The following SEC24D variants were observed in gnomAD, a reference collection of about 807,000 sequenced individuals.
SEC24D encodes the protein protein transport protein Sec24D.
SEC24D carries 69 observed loss-of-function variants against 116.9 expected under a neutral mutation model. The observed-to-expected ratio is 0.59, with a 90% confidence interval of 0.49 to 0.72. The LOEUF (loss-of-function observed/expected upper bound fraction) is 0.72, where lower values mean the gene tolerates loss of function less well. Ranked by LOEUF, SEC24D falls within the 30% of genes least tolerant of loss-of-function variation. The pLI, the probability that SEC24D is intolerant of heterozygous loss-of-function variation, is 0.00. For missense variants in SEC24D, 1,131 were observed against 1,264.1 expected, an observed-to-expected ratio of 0.89 and a Z score of 1.60; for synonymous variants, 405 against 442.8, an observed-to-expected ratio of 0.91 and a Z score of 1.07.
rs1489952453 is a variant in SEC24D, at chr4:118,740,797, TG to T, written c.2103del (p.Thr702LeufsTer8). 14 of 1,613,744 alleles carry T rather than the reference TG, an allele frequency of 8.7e-6. No individual in the cohort carries two copies. The highest frequency in any genetic ancestry group is 1.3e-5 in the African/African-American group (1 of 74,906). On this transcript the variant is annotated frameshift_variant, in exon 17 of 23. Transcript: ENST00000280551. LOFTEE classifies it high-confidence loss of function. The part of the protein sequence containing the change: ...MRVRTSTGFR[A>X]TDFFGGILMN... ...ATCAAGATTCCACCAAAGAAATCAGTGGCTCTGAAACCTAAAGATAAGGGAA... is the reference window on the plus strand; with the variant it reads ...ATCAAGATTCCACCAAAGAAATCAGTGCTCTGAAACCTAAAGATAAGGGAA...
At chr4:118,764,605 T>G in intron 10 of SEC24D, 197 bp downstream of exon 10, 1 of 467,412 alleles carries the variant, frequency 2.1e-6, no homozygotes, top group East Asian at 3.4e-5. Context: ...TAAAAATAAT[T>G]CCTCCAGTAG....
At chr4:118,799,750 TC>T (rs1729342620) in intron 7 of SEC24D, among the ~76,000 whole-genome samples, 1 of 151,986 alleles carries the variant, frequency 6.6e-6, no homozygotes, top group African/African-American at 2.4e-5. Flanking sequence ...CTGCTGGAGA[TC>T]CTAAAGAGGC....
intron 10 of SEC24D, chr4:118,758,375 T>C (rs905372172): frequency 2.0e-5 from 3 of 152,250 alleles, no homozygotes; most frequent in African/African-American, 7.2e-5. Flanking sequence ...TATAACTGTA[T>C]ACTTTTGAAA....
At chr4:118,734,689 GCAAA>G (rs1725865388) in intron 19 of SEC24D, among the ~76,000 whole-genome samples, 1 of 152,110 alleles carries the variant, frequency 6.6e-6, no homozygotes, top group South Asian at 2.1e-4. Flanking sequence ...ACCGTCTCAG[GCAAA>G]CGTATTTCAG....
chr4:118,740,844 T>A, intron 16 of SEC24D, 36 bp from the exon 17 acceptor site: 1 of 1,611,290 alleles, frequency 6.2e-7, no homozygotes, highest in Non-Finnish European at 8.5e-7. Flanking sequence ...TTTGCTTGTC[T>A]TTATTCTACT....
intron 8 of SEC24D, among the ~76,000 whole-genome samples, chr4:118,791,666 A>G (rs1272621883): frequency 6.6e-6 from 1 of 152,016 alleles, no homozygotes; most frequent in African/African-American, 2.4e-5. Flanking sequence ...CTGGGATTGC[A>G]GGCACGCGCC....
intron 10 of SEC24D, among the ~76,000 whole-genome samples, chr4:118,761,467 AC>A (rs1428735971): frequency 5.9e-5 from 9 of 152,354 alleles, no homozygotes; most frequent in African/African-American, 2.2e-4. Flanking sequence ...AAAAAGATAG[AC>A]TGCGTCTCAA....
At chr4:118,792,248 G>A (rs1444291126) in intron 8 of SEC24D, among the ~76,000 whole-genome samples, 3 of 150,196 alleles carry the variant, frequency 2.0e-5, no homozygotes, top group African/African-American at 2.5e-5. Flanking sequence ...CCCTCCGCCC[G>A]GCAGCCGCCC....
chr4:118,823,646 G>A (rs1730487912), intron 3 of SEC24D, among the ~76,000 whole-genome samples: 1 of 152,226 alleles, frequency 6.6e-6, no homozygotes, highest in African/African-American at 2.4e-5. Flanking sequence ...ACAATAATGG[G>A]ATTTCTAACA....
At chr4:118,811,355 A>G (rs1394128399) in intron 6 of SEC24D, among the ~76,000 whole-genome samples, 1 of 152,264 alleles carries the variant, frequency 6.6e-6, no homozygotes, top group Non-Finnish European at 1.5e-5. Flanking sequence ...AGAAGTGCAG[A>G]TGATGCAAGA....
chr4:118,765,714 A>G (rs1185072303), intron 9 of SEC24D, among the ~76,000 whole-genome samples: 1 of 152,162 alleles, frequency 6.6e-6, no homozygotes, highest in Non-Finnish European at 1.5e-5. Context: ...TGCCATTTGT[A>G]AAAACCATAC....
At chr4:118,784,226 G>A (rs1728557875) in intron 8 of SEC24D, among the ~76,000 whole-genome samples, 1 of 152,080 alleles carries the variant, frequency 6.6e-6, no homozygotes, top group Non-Finnish European at 1.5e-5. Flanking sequence ...TTAAAAAACA[G>A]ATGATCAATT....
rs765394633 is a variant in SEC24D, at chr4:118,815,030, G to A, written c.799C>T (p.Pro267Ser). 1.9e-6 allele frequency: 3 copies of A among 1,613,872 alleles called. No homozygotes were observed. Among genetic ancestry groups the A allele is most frequent in the East Asian group, 2.2e-5 (1 of 44,876 alleles). Residue 267 changes from proline (P) to serine (S), a missense_variant and splice_region_variant, in exon 6 of 23, where the codon CCA (proline) becomes TCA (serine). Coordinates refer to ENST00000280551, the MANE Select transcript of SEC24D (RefSeq NM_014822.4). ...GTGAGAGTGAGAAGAGTACTTACTG[G>A]GCTAGGGATAGAGTCAGGATCCAGC... ...KKLDPDSIPS[P>S]IQVIENDRAS...
chr4:118,833,566 T>A lies in SEC24D; in HGVS notation c.118+13A>T. ...CTGAATAATCACATACAAGTCAAAA[T>A]AACACACTGTACCTGTTGGAGATGC... is the stretch of plus-strand genomic sequence containing the variant. On this transcript the variant is annotated intron_variant, in intron 2 of 22. Transcript: ENST00000280551. The A allele has an allele frequency of 6.4e-7, 1 of 1,559,846 alleles. No homozygotes were observed. Among genetic ancestry groups the A allele is most frequent in the Non-Finnish European group, 8.8e-7 (1 of 1,134,252 alleles).
At position 118,805,926 on chromosome 4, in the gene SEC24D, C is replaced by G. The variant is rs774300283; in HGVS notation, c.830G>C (p.Ser277Thr). 1 of 1,596,116 alleles carries G rather than the reference C, an allele frequency of 6.3e-7. No individual in the cohort carries two copies. The highest frequency in any genetic ancestry group is 1.2e-5 in the South Asian group (1 of 86,472). ...PIQVIENDRA[S>T]RGGQVYATNT... ...GGTGGCATAAACTTGTCCTCCTCTG[C>G]TGGCTCTATCATTCTCAATCACCTG... Residue 277 changes from serine (S) to threonine (T), a missense_variant, in exon 7 of 23, where the codon AGC (serine) becomes ACC (threonine). Coordinates refer to ENST00000280551, the MANE Select transcript of SEC24D (RefSeq NM_014822.4).
At chr4:118,777,843 G>A (rs1357015928) in intron 8 of SEC24D, among the ~76,000 whole-genome samples, 1 of 152,190 alleles carries the variant, frequency 6.6e-6, no homozygotes, top group Admixed American at 6.5e-5. Flanking sequence ...GTTTTGACTT[G>A]CATTTCTTTG....
At chr4:118,748,530 G>A (rs1018642471) in intron 13 of SEC24D, among the ~76,000 whole-genome samples, 1 of 152,106 alleles carries the variant, frequency 6.6e-6, no homozygotes, top group Non-Finnish European at 1.5e-5. Flanking sequence ...GCCTATAGGA[G>A]CGAGTCATAC....
At chr4:118,751,818 G>A (rs1726852560) in intron 13 of SEC24D, among the ~76,000 whole-genome samples, 178 bp downstream of exon 13, 1 of 152,194 alleles carries the variant, frequency 6.6e-6, no homozygotes, top group Non-Finnish European at 1.5e-5. Context: ...GGACACACTG[G>A]GAGCAATCTG....
chr4:118,778,680 A>G (rs1428150734), intron 8 of SEC24D, among the ~76,000 whole-genome samples: 1 of 152,156 alleles, frequency 6.6e-6, no homozygotes, highest in Non-Finnish European at 1.5e-5. Flanking sequence ...TGAATCTATA[A>G]ATTACCTTGG....
Sources: allele counts gnomAD v4.1 joint callset (sites outside exome capture counted in the v4.1 genomes callset), GRCh38; gene constraint gnomAD v4.1.1; transcripts MANE v1.5; gene names NCBI Gene and HGNC (gene_info 2026-07-23, HGNC 2026-07-21).